DDX60L: variants seen among roughly 807,000 people sequenced by gnomAD.
DDX60L encodes the protein DExD/H-box 60 like.
DDX60L carries 191 observed loss-of-function variants against 211.6 expected under a neutral mutation model. The ratio of observed to expected loss-of-function variants is 0.90; its 90% confidence interval spans 0.80 to 1.02. The LOEUF (loss-of-function observed/expected upper bound fraction) is 1.02. Among genes scored for constraint, DDX60L ranks in the 50% least tolerant of loss-of-function variants. The pLI, the probability that DDX60L is intolerant of heterozygous loss-of-function variation, is 0.00. For synonymous variants in DDX60L, 706 were observed against 694.1 expected (o/e 1.02, Z -0.27); for missense variants, 2,007 against 1,984.1 (o/e 1.01, Z -0.22).
rs1331633223 is a variant in DDX60L, at chr4:168,406,095, T to C, written c.3085-17A>G. The C allele has an allele frequency of 1.9e-6, 3 of 1,584,504 alleles. No homozygotes were observed. The East Asian group carries it at 6.9e-5, about 36-fold the overall frequency. On this transcript the variant is annotated splice_polypyrimidine_tract_variant and intron_variant, in intron 23 of 37. Coordinates refer to ENST00000682922, the MANE Select transcript of DDX60L (RefSeq NM_001012967.3). ...ACACAATTCCTTGGGGGGAAAATTA[T>C]CACAAAATTAAGCTAAGCTATGCAA... is the stretch of plus-strand genomic sequence containing the variant.
In DDX60L at chr4:168,472,517, CT is replaced by C; in HGVS notation, c.11del (p.Lys4ArgfsTer10). 3 of 1,579,874 alleles carry C rather than the reference CT, an allele frequency of 1.9e-6. No homozygotes were observed. Among genetic ancestry groups the C allele is most frequent in the Non-Finnish European group, 2.6e-6 (3 of 1,161,552 alleles). On this transcript the variant is annotated frameshift_variant, in exon 3 of 38. Coordinates refer to ENST00000682922, the MANE Select transcript of DDX60L (RefSeq NM_001012967.3). LOFTEE classifies it high-confidence loss of function. Reference sequence around the variant, plus strand: ...TTTCCCTGAAAAATACTGCATGATCCTTTGACCCTAAAAATAAGGAGATTTT... The same window carrying C: ...TTTCCCTGAAAAATACTGCATGATCCTTGACCCTAAAAATAAGGAGATTTT... MGS[K>X]DHAVFFREMT...
rs1246447496 is a variant in DDX60L at position 168,422,190 on chromosome 4, A to AT, written c.2245-282dup. 3.3e-5 allele frequency among the ~76,000 whole-genome samples: 5 copies of AT among 152,192 alleles called. No individual in the cohort carries two copies. In the East Asian group the frequency reaches 9.6e-4, roughly 29 times the overall value. The stretch of plus-strand genomic sequence containing the variant: ...TAGAAAGGGAGACTGAGTAAAACAT[A>AT]TTTTTCCATTAGAAAACACTTTTTC... On this transcript the variant is annotated intron_variant, in intron 16 of 37. Transcript: ENST00000682922.
At chr4:168,372,529 C>G (rs545648178) in intron 35 of DDX60L, among the ~76,000 whole-genome samples, 2 of 134,862 alleles carry the variant, frequency 1.5e-5, no homozygotes, top group East Asian at 4.6e-4. Flanking sequence ...AGTTCAAGAT[C>G]AGACTGGGCA....
At chr4:168,435,739 T>C (rs1752948120) in intron 10 of DDX60L, among the ~76,000 whole-genome samples, 1 of 152,148 alleles carries the variant, frequency 6.6e-6, no homozygotes, top group Admixed American at 6.5e-5. Context: ...CCAGGGAATT[T>C]TCCGGAAGAA....
intron 5 of DDX60L, among the ~76,000 whole-genome samples, chr4:168,459,205 G>T (rs995446877): frequency 2.0e-5 from 3 of 152,048 alleles, no homozygotes; most frequent in Admixed American, 1.3e-4. Flanking sequence ...AGAAAAGAAG[G>T]CCAGGCATGA....
intron 9 of DDX60L, among the ~76,000 whole-genome samples, chr4:168,445,778 C>T (rs1249964977): frequency 2.1e-5 from 3 of 142,150 alleles, no homozygotes; most frequent in Admixed American, 7.2e-5. Context: ...AAGACAAAAA[C>T]CACATGATTA....
intron 22 of DDX60L, among the ~76,000 whole-genome samples, chr4:168,413,864 C>A (rs1485694687): frequency 1.3e-5 from 2 of 151,856 alleles, no homozygotes; most frequent in Non-Finnish European, 2.9e-5. Flanking sequence ...AGAAATATAC[C>A]AATACTCATA....
chr4:168,477,671 C>T lies in DDX60L; in HGVS notation c.-111+2706G>A, dbSNP rs117041057. 5.9e-5 allele frequency among the ~76,000 whole-genome samples: 9 copies of T among 152,268 alleles called. No individual in the cohort carries two copies. In the East Asian group the frequency reaches 1.7e-3, roughly 29 times the overall value. The stretch of plus-strand genomic sequence containing the variant: ...TCCACCCTAATGGACAGATAATAGG[C>T]AGTGAGAAACTAGGCTTCTTGGGCT... On this transcript the variant is annotated intron_variant, in intron 1 of 37. Transcript: ENST00000682922.
chr4:168,455,157 C>T (rs1756359701), intron 7 of DDX60L, among the ~76,000 whole-genome samples: 1 of 151,864 alleles, frequency 6.6e-6, no homozygotes, highest in South Asian at 2.1e-4. Context: ...CCTGTACAGT[C>T]ACATTATTTC....
rs541887775 is a variant in DDX60L at position 168,410,029 on chromosome 4, T to C, written c.2980-3323A>G. Among the ~76,000 whole-genome samples, 4 of 152,302 alleles carry C rather than the reference T, an allele frequency of 2.6e-5. No homozygotes were observed. The South Asian group carries it at 8.3e-4, about 32-fold the overall frequency. On this transcript the variant is annotated intron_variant, in intron 22 of 37. Coordinates refer to ENST00000682922, the MANE Select transcript of DDX60L (RefSeq NM_001012967.3). ...CAATCATCATTCCACAAATATTTACTGAGCAACTTTTGTGTATATGGCACT... is the reference window on the plus strand; with the variant it reads ...CAATCATCATTCCACAAATATTTACCGAGCAACTTTTGTGTATATGGCACT...
chr4:168,389,672 TTGAG>T (rs1414529460), intron 29 of DDX60L, among the ~76,000 whole-genome samples: 1 of 152,232 alleles, frequency 6.6e-6, no homozygotes, highest in Non-Finnish European at 1.5e-5. Context: ...AACTTAGTTA[TTGAG>T]TGAGAAACAT....
At chr4:168,390,286 T>G (rs1744571020) in intron 29 of DDX60L, 12 of 1,112,214 alleles carry the variant, frequency 1.1e-5, no homozygotes, top group Non-Finnish European at 1.3e-5. Flanking sequence ...CAAAAGTCCC[T>G]TAAGAGAAAC....
At chr4:168,423,580 A>AAGAAATTCTAAAATTAT in intron 15 of DDX60L, 28 bp downstream of exon 15, 1 of 1,482,160 alleles carries the variant, frequency 6.7e-7, no homozygotes, top group Non-Finnish European at 9.0e-7. Flanking sequence ...GTAAAAATTT[A>AAGAAATTCTAAAATTAT]AAGTATAAGA....
intron 36 of DDX60L, among the ~76,000 whole-genome samples, chr4:168,369,694 G>T (rs1658749164): frequency 6.6e-6 from 1 of 151,908 alleles, no homozygotes; most frequent in African/African-American, 2.4e-5. Flanking sequence ...TCAGACAAAA[G>T]ATTCATATCC....
intron 22 of DDX60L, among the ~76,000 whole-genome samples, chr4:168,408,928 A>G (rs998396154): frequency 7.2e-5 from 11 of 152,262 alleles, no homozygotes; most frequent in Non-Finnish European, 1.6e-4. Context: ...CAGAGAATAA[A>G]TCCAAGGTTA....
chr4:168,371,993 G>A (rs944141757), intron 35 of DDX60L, among the ~76,000 whole-genome samples: 5 of 152,080 alleles, frequency 3.3e-5, no homozygotes, highest in Non-Finnish European at 7.4e-5. Context: ...AGCATGCCTC[G>A]GGAATGGGCA....
intron 37 of DDX60L, among the ~76,000 whole-genome samples, chr4:168,359,427 T>C (rs1553983648): frequency 6.6e-6 from 1 of 152,208 alleles, no homozygotes; most frequent in Non-Finnish European, 1.5e-5. Flanking sequence ...TTAACCAAAT[T>C]AGAAACCCAA....
rs562869266 is a variant in DDX60L at position 168,460,852 on chromosome 4, C to T, written c.606+847G>A. Among the ~76,000 whole-genome samples the T allele has an allele frequency of 6.6e-5, 10 of 152,276 alleles. No homozygotes were observed. The South Asian group carries it at 1.9e-3, about 28-fold the overall frequency. ...CTACAAATCTGGGGTTCCCTCCTCA[C>T]GTTTGGTAATTTGCTAGCATAGTTC... On this transcript the variant is annotated intron_variant, in intron 5 of 37. Transcript: ENST00000682922.
At chr4:168,418,240 G>A (rs1191592923) in intron 19 of DDX60L, among the ~76,000 whole-genome samples, 4 of 152,116 alleles carry the variant, frequency 2.6e-5, no homozygotes, top group African/African-American at 9.7e-5. Flanking sequence ...GATAGTTTTT[G>A]TATTTGTAGT....
Sources: allele counts gnomAD v4.1 joint callset (sites outside exome capture counted in the v4.1 genomes callset), GRCh38; gene constraint gnomAD v4.1.1; transcripts MANE v1.5; gene names NCBI Gene and HGNC (gene_info 2026-07-23, HGNC 2026-07-21).